Variants in ACOX3 observed in about 807,000 individuals in gnomAD.
The protein encoded by ACOX3 is peroxisomal acyl-coenzyme A oxidase 3.
A neutral mutation model predicts 81.5 loss-of-function variants in ACOX3; 73 were observed. The observed-to-expected ratio is 0.90, with a 90% CI of 0.74 to 1.09. The LOEUF (loss-of-function observed/expected upper bound fraction) is 1.09. Among genes scored for constraint, ACOX3 ranks in the 50% least tolerant of loss-of-function variants. The pLI, the probability that ACOX3 is intolerant of heterozygous loss-of-function variation, is 0.00. For synonymous variants in ACOX3, 387 were observed against 375.1 expected, an observed-to-expected ratio of 1.03 and a Z score of -0.37; for missense variants, 947 against 928.0, an observed-to-expected ratio of 1.02 and a Z score of -0.27.
chr4:8,417,137 C>T (rs904284242), intron 1 of ACOX3, among the ~76,000 whole-genome samples: 1 of 152,242 alleles, frequency 6.6e-6, no homozygotes, highest in African/African-American at 2.4e-5. Flanking sequence ...CTCTCTTGAC[C>T]AAATAACCAT....
chr4:8,414,798 C>G lies in ACOX3; in HGVS notation c.453+56G>C, dbSNP rs923409712. ...TACAATCTTCTCTTTTCACAAATCT[C>G]TACAGAGATCAAGCAAGAGAACCAG... On this transcript the variant is annotated intron_variant, in intron 4 of 17. Transcript: ENST00000356406. This position sits in a 1 kb window ranked among gnomAD's most constrained non-coding sequence, Gnocchi z 6.1. The G allele has an allele frequency of 1.6e-4, 249 of 1,551,064 alleles. No homozygotes were observed. The highest frequency in any genetic ancestry group is 2.0e-4 in the Non-Finnish European group (224 of 1,122,780).
chr4:8,429,505 C>T (rs764346501), intron 1 of ACOX3, among the ~76,000 whole-genome samples: 4 of 152,164 alleles, frequency 2.6e-5, no homozygotes, highest in African/African-American at 4.8e-5. Context: ...CTGGGAATTG[C>T]GGATATTGCT....
chr4:8,398,848 T>C (rs1289089594), intron 8 of ACOX3, among the ~76,000 whole-genome samples: 5 of 152,214 alleles, frequency 3.3e-5, no homozygotes, highest in South Asian at 2.1e-4. Context: ...CCTCCTGAGA[T>C]AGTTATCCCA....
rs770172691 is a variant in ACOX3, at chr4:8,419,263, A to C, written c.-14-2728T>G. ...AGCCTGGCCAACATGGTGAAACCTC[A>C]TCTCTACTAAAAATACAAAAAAATT... On this transcript the variant is annotated intron_variant, in intron 1 of 17. Transcript: ENST00000356406. The surrounding 1 kb of genome is among the most constrained non-coding windows in gnomAD (Gnocchi z 4.2). Among the ~76,000 whole-genome samples, 1 of 151,804 alleles carries C rather than the reference A, an allele frequency of 6.6e-6. No homozygotes were observed. The highest frequency in any genetic ancestry group is 2.4e-5 in the African/African-American group (1 of 41,322).
chr4:8,401,054 C>T (rs1055778592), intron 7 of ACOX3, among the ~76,000 whole-genome samples: 4 of 151,738 alleles, frequency 2.6e-5, no homozygotes, highest in African/African-American at 4.8e-5. Context: ...TCATAAGGAG[C>T]GCTCGCCTTA....
chr4:8,396,931 T>G lies in ACOX3; in HGVS notation c.1056+6A>C. On this transcript the variant is annotated splice_donor_region_variant and intron_variant, in intron 9 of 17. Coordinates refer to ENST00000356406, the MANE Select transcript of ACOX3 (RefSeq NM_003501.3). ...GACAGTGAAAGGATGCTTGAAAACC[T>G]CATACCTGCATTGGATACTCAAGCA... The G allele has an allele frequency of 8.1e-6, 13 of 1,609,054 alleles. No homozygotes were observed. Among genetic ancestry groups the G allele is most frequent in the Non-Finnish European group, 1.1e-5 (13 of 1,178,142 alleles).
chr4:8,365,675 A>G (rs1462835702), downstream of ACOX3, among the ~76,000 whole-genome samples: 1 of 152,204 alleles, frequency 6.6e-6, no homozygotes, highest in Admixed American at 6.5e-5. Flanking sequence ...AGGTGCTGGC[A>G]GGCGGTAGGT....
Position 8,384,780 on chromosome 4 carries a change from C to G in ACOX3, c.1538-3173G>C, listed in dbSNP as rs1307898909. Among the ~76,000 whole-genome samples, 5 of 152,202 alleles carry G rather than the reference C, an allele frequency of 3.3e-5. No homozygotes were observed. The highest frequency in any genetic ancestry group is 2.0e-4 in the Admixed American group (3 of 15,288). On this transcript the variant is annotated intron_variant, in intron 13 of 17. Transcript: ENST00000356406. This position sits in a 1 kb window ranked among gnomAD's most constrained non-coding sequence, Gnocchi z 5.3. ...TAACTCGGATTCTGACCCAGGCAAGCCCTGGAAAGCAAGGCCTGGACAGCG... is the reference window on the plus strand; with the variant it reads ...TAACTCGGATTCTGACCCAGGCAAGGCCTGGAAAGCAAGGCCTGGACAGCG...
rs1469926132 is a variant in ACOX3, at chr4:8,384,235, C to T, written c.1538-2628G>A. ...ATGTTTGCACTGTGTTTTTTCCTTA[C>T]ACTCTACTTTTGGTTCTTGGTTTTT... On this transcript the variant is annotated intron_variant, in intron 13 of 17. Transcript: ENST00000356406. The surrounding 1 kb of genome is among the most constrained non-coding windows in gnomAD (Gnocchi z 5.3). Among the ~76,000 whole-genome samples, 2 of 152,186 alleles carry T rather than the reference C, an allele frequency of 1.3e-5. No individual in the cohort carries two copies. Among genetic ancestry groups the T allele is most frequent in the South Asian group, 2.1e-4 (1 of 4,832 alleles).
At chr4:8,371,827 G>GT (rs1292737548) in intron 16 of ACOX3, among the ~76,000 whole-genome samples, 1 of 152,270 alleles carries the variant, frequency 6.6e-6, no homozygotes, top group African/African-American at 2.4e-5. Flanking sequence ...AACGTGTTCC[G>GT]TAAGGGTCCA....
At chr4:8,395,465 A>G (rs1030365849) in intron 9 of ACOX3, among the ~76,000 whole-genome samples, 4 of 152,142 alleles carry the variant, frequency 2.6e-5, no homozygotes, top group Non-Finnish European at 5.9e-5. Context: ...TCCTGAGGAA[A>G]CCGCCATCAC....
chr4:8,404,618 A>T (rs1720727461), intron 7 of ACOX3, among the ~76,000 whole-genome samples: 1 of 152,068 alleles, frequency 6.6e-6, no homozygotes, highest in South Asian at 2.1e-4. Flanking sequence ...CATCACCCTG[A>T]CTTCTCAGAA....
chr4:8,403,979 A>C (rs985389709), intron 7 of ACOX3, among the ~76,000 whole-genome samples: 9 of 152,236 alleles, frequency 5.9e-5, no homozygotes, highest in Non-Finnish European at 7.3e-5. Flanking sequence ...GATGGGTAAC[A>C]GTGCCTGTGG....
downstream of ACOX3, among the ~76,000 whole-genome samples, chr4:8,361,473 A>T: frequency 7.0e-6 from 1 of 143,730 alleles, no homozygotes; most frequent in East Asian, 2.1e-4. Flanking sequence ...GTTTTAAATT[A>T]GAATCAAGCT....
In ACOX3 at chr4:8,384,153, T is replaced by C. The variant is rs140275357; in HGVS notation, c.1538-2546A>G. Among the ~76,000 whole-genome samples the C allele has an allele frequency of 5.4e-3, 818 of 152,348 alleles. 4 individuals carry two copies. The highest frequency in any genetic ancestry group is 0.017 in the African/African-American group (711 of 41,584). ...ATTAATCCATGAGGCTTCACGTCGA[T>C]GGCCAGTTAGACTGTGCTGTGGGCT... is the stretch of plus-strand genomic sequence containing the variant. On this transcript the variant is annotated intron_variant, in intron 13 of 17. Coordinates refer to ENST00000356406, the MANE Select transcript of ACOX3 (RefSeq NM_003501.3). This position sits in a 1 kb window ranked among gnomAD's most constrained non-coding sequence, Gnocchi z 5.3.
chr4:8,375,606 T>C (rs1284787857), intron 14 of ACOX3, among the ~76,000 whole-genome samples: 1 of 152,160 alleles, frequency 6.6e-6, no homozygotes, highest in Non-Finnish European at 1.5e-5. Context: ...CAGAATTGAC[T>C]TCACTTCTCC....
intron 6 of ACOX3, among the ~76,000 whole-genome samples, chr4:8,409,307 G>C (rs1055215444): frequency 1.3e-5 from 2 of 152,254 alleles, no homozygotes; most frequent in Non-Finnish European, 2.9e-5. Context: ...GTGTCACTGG[G>C]GGACATTGGG....
rs1718728500 is a variant in ACOX3, at chr4:8,389,658, C to T, written c.1377G>A (p.Gln459=). 1 of 1,613,996 alleles carries T rather than the reference C, an allele frequency of 6.2e-7. No homozygotes were observed. The highest frequency in any genetic ancestry group is 8.5e-7 in the Non-Finnish European group (1 of 1,180,034). The change falls in exon 12 of 18, where the codon CAG becomes CAA. Residue 459 remains glutamine, a synonymous_variant. Coordinates refer to ENST00000356406, the MANE Select transcript of ACOX3 (RefSeq NM_003501.3). The surrounding 1 kb of genome is among the most constrained non-coding windows in gnomAD (Gnocchi z 5.3). ...TYEGDNNILL[Q]QTSNYLLGLL... ...GACCCAGCAAATAGTTGCTTGTCTG[C>T]TGCAGCAGGATGTTGTTGTCACCTT...
intron 7 of ACOX3, among the ~76,000 whole-genome samples, chr4:8,401,605 G>A (rs1720382085): frequency 6.6e-6 from 1 of 152,164 alleles, no homozygotes; most frequent in Non-Finnish European, 1.5e-5. Flanking sequence ...GTGGGAGCTG[G>A]GCCGTTTCCC....
Sources: gnomAD v4.1 joint callset for allele counts (sites outside exome capture counted in the v4.1 genomes callset) on GRCh38, gnomAD v4.1.1 for gene constraint, Gnocchi (gnomAD v3.1) non-coding constraint, MANE v1.5 for transcripts, NCBI Gene and HGNC (gene_info 2026-07-23, HGNC 2026-07-21) for gene names.